Variants in MARCHF1 observed in about 807,000 individuals in gnomAD.
MARCHF1 encodes membrane associated ring-CH-type finger 1.
Under a neutral mutation model 54.2 loss-of-function variants are expected in MARCHF1, and 40 were observed. That is an observed-to-expected ratio of 0.74 (90% CI 0.57 to 0.96). The LOEUF is 0.96. Among genes scored for constraint, MARCHF1 ranks in the 40% least tolerant of loss-of-function variants. The probability of loss-of-function intolerance (pLI) is 0.00; values close to 1 mark genes in which losing one functional copy is unlikely to be tolerated. For missense variants in MARCHF1, 586 were observed against 656.5 expected, an observed-to-expected ratio of 0.89 and a Z score of 1.17; for synonymous variants, 236 against 236.3, an observed-to-expected ratio of 1.00 and a Z score of 0.01.
intron 2 of MARCHF1, among the ~76,000 whole-genome samples, chr4:164,047,470 T>C (rs1754266406): frequency 6.6e-6 from 1 of 152,226 alleles, no homozygotes; most frequent in Non-Finnish European, 1.5e-5. Context: ...GGATTGTAAA[T>C]GGGTGTTGTT....
intron 8 of MARCHF1, among the ~76,000 whole-genome samples, chr4:163,553,049 A>G (rs953906779): frequency 1.3e-4 from 20 of 150,064 alleles, no homozygotes; most frequent in African/African-American, 2.2e-4. Context: ...AAAAAAAAAA[A>G]AAGAAGAATG....
chr4:163,570,604 T>C (rs1378622191), intron 8 of MARCHF1, among the ~76,000 whole-genome samples: 2 of 152,130 alleles, frequency 1.3e-5, no homozygotes, highest in African/African-American at 4.8e-5. Flanking sequence ...TGCAGAGTTA[T>C]ACGAACATTT....
At chr4:164,056,684 T>C (rs542489139) in intron 2 of MARCHF1, among the ~76,000 whole-genome samples, 2 of 152,214 alleles carry the variant, frequency 1.3e-5, no homozygotes, top group African/African-American at 4.8e-5. Context: ...AGTCACTCAG[T>C]GATTCATGCT....
At chr4:164,078,606 T>C (rs1224305491) in intron 2 of MARCHF1, among the ~76,000 whole-genome samples, 18 of 152,192 alleles carry the variant, frequency 1.2e-4, no homozygotes, top group Admixed American at 1.1e-3. Context: ...ATGTTATCAG[T>C]TAGCAGGAAA....
intron 1 of MARCHF1, among the ~76,000 whole-genome samples, chr4:164,322,042 G>A (rs1168259479): frequency 1.3e-5 from 2 of 151,982 alleles, no homozygotes; most frequent in African/African-American, 2.4e-5. Flanking sequence ...CTCAGCCCAG[G>A]AATACAAAGA....
At chr4:164,123,623 TC>T (rs973982248) in intron 1 of MARCHF1, among the ~76,000 whole-genome samples, 7 of 151,344 alleles carry the variant, frequency 4.6e-5, no homozygotes, top group African/African-American at 1.5e-4. Flanking sequence ...TGGAACAGAA[TC>T]GAGTATGCAG....
intron 4 of MARCHF1, among the ~76,000 whole-genome samples, chr4:163,767,688 G>A (rs1022219256): frequency 2.6e-5 from 4 of 151,880 alleles, no homozygotes; most frequent in East Asian, 1.9e-4. Context: ...GGCTTTTTCC[G>A]CCTTATGTTC....
intron 4 of MARCHF1, among the ~76,000 whole-genome samples, chr4:163,731,824 G>C (rs1745849345): frequency 6.6e-6 from 1 of 152,130 alleles, no homozygotes; most frequent in Non-Finnish European, 1.5e-5. Context: ...ATCAGCTAAA[G>C]TATTAAGGAA....
intron 9 of MARCHF1, among the ~76,000 whole-genome samples, chr4:163,529,303 A>G (rs981396186): frequency 6.6e-6 from 1 of 152,046 alleles, no homozygotes; most frequent in Non-Finnish European, 1.5e-5. Flanking sequence ...TATTTCTCCT[A>G]GCATCAAGTA....
intron 5 of MARCHF1, among the ~76,000 whole-genome samples, chr4:163,666,478 C>T (rs1743537196): frequency 6.6e-6 from 1 of 152,082 alleles, no homozygotes; most frequent in Non-Finnish European, 1.5e-5. Context: ...TTATTTCATG[C>T]ACTTATTATC....
In MARCHF1 at chr4:163,619,391, G is replaced by A. The variant is rs112084949; in HGVS notation, c.163-5998C>T. Among the ~76,000 whole-genome samples, 60 of 152,214 alleles carry A rather than the reference G, an allele frequency of 3.9e-4. 1 individual carries two copies. The highest frequency in any genetic ancestry group is 1.4e-3 in the African/African-American group (58 of 41,540). On this transcript the variant is annotated intron_variant, in intron 5 of 9. Transcript: ENST00000514618. ...ATCCCAACAGGTTGTTTTATTTTAA[G>A]ATATGGTAAAAATAATTTGAAAGAT...
chr4:163,726,855 A>G (rs905001907), intron 4 of MARCHF1, among the ~76,000 whole-genome samples: 4 of 152,160 alleles, frequency 2.6e-5, no homozygotes, highest in African/African-American at 7.2e-5. Flanking sequence ...AATGTCACAC[A>G]TCTCTTCATA....
chr4:163,576,149 C>A (rs1235614172), intron 8 of MARCHF1, among the ~76,000 whole-genome samples: 4 of 151,804 alleles, frequency 2.6e-5, no homozygotes, highest in Non-Finnish European at 4.4e-5. Flanking sequence ...AATTTGAGAT[C>A]TTCCTAATTT....
At chr4:164,152,661 A>G (rs920851693) in intron 1 of MARCHF1, among the ~76,000 whole-genome samples, 1 of 152,106 alleles carries the variant, frequency 6.6e-6, no homozygotes, top group Non-Finnish European at 1.5e-5. Flanking sequence ...GAGACAATCA[A>G]CTAAGAGCCA....
intron 1 of MARCHF1, among the ~76,000 whole-genome samples, chr4:164,213,470 C>T (rs555984750): frequency 1.3e-5 from 2 of 151,888 alleles, no homozygotes; most frequent in Admixed American, 1.3e-4. Context: ...CTCCTGACCT[C>T]ATGATTCGCC....
intron 8 of MARCHF1, among the ~76,000 whole-genome samples, chr4:163,560,583 G>A (rs1000030401): frequency 6.6e-6 from 1 of 152,112 alleles, no homozygotes; most frequent in Admixed American, 6.5e-5. Context: ...TTATTGGTAT[G>A]GTAGTGAATC....
chr4:163,659,890 T>C (rs1017161710), intron 5 of MARCHF1, among the ~76,000 whole-genome samples: 10 of 151,898 alleles, frequency 6.6e-5, no homozygotes, highest in Non-Finnish European at 8.8e-5. Context: ...TATTAAAAAG[T>C]TGGGAAACAA....
chr4:163,827,289 T>C (rs1244751432), intron 4 of MARCHF1, among the ~76,000 whole-genome samples: 2 of 152,068 alleles, frequency 1.3e-5, no homozygotes, highest in Non-Finnish European at 2.9e-5. Context: ...TTTTTCTCCA[T>C]GGGATTAGGA....
At chr4:164,146,973 A>G (rs1729765887) in intron 1 of MARCHF1, among the ~76,000 whole-genome samples, 1 of 151,474 alleles carries the variant, frequency 6.6e-6, no homozygotes, top group Admixed American at 6.6e-5. Context: ...AAACAAATTT[A>G]CAAGAAAAAA....
Sources: allele counts gnomAD v4.1 joint callset (sites outside exome capture counted in the v4.1 genomes callset), GRCh38; gene constraint gnomAD v4.1.1; transcripts MANE v1.5; gene names NCBI Gene and HGNC (gene_info 2026-07-23, HGNC 2026-07-21).